The following UNC45B variants were observed in gnomAD, a reference collection of about 807,000 sequenced individuals.
The protein encoded by UNC45B is unc-45 myosin chaperone B, also known as protein unc-45 homolog B.
Under a neutral mutation model 98.7 loss-of-function variants are expected in UNC45B, and 78 were observed. That is an observed-to-expected ratio of 0.79 (90% confidence interval 0.66 to 0.95). The LOEUF (loss-of-function observed/expected upper bound fraction) is 0.95, where lower values mean the gene tolerates loss of function less well. UNC45B is among the 40% of genes least tolerant of loss of function. The probability of loss-of-function intolerance (pLI) is 0.00; values close to 1 mark genes in which losing one functional copy is unlikely to be tolerated. For missense variants in UNC45B, 1,225 were observed against 1,184.9 expected (o/e 1.03, Z -0.50); for synonymous variants, 462 against 480.4 (o/e 0.96, Z 0.50).
At chr17:35,177,170 T>C (rs111582450) in intron 16 of UNC45B, 40 bp downstream of exon 16, 14 of 1,547,254 alleles carry the variant, frequency 9.0e-6, no homozygotes, top group African/African-American at 6.8e-5. Context: ...ATGGGAGGGG[T>C]CTCCTTTGCT....
Position 35,164,036 on chromosome 17 carries a change from C to T in UNC45B, c.1021C>T (p.Leu341=), listed in dbSNP as rs370514797. 14 of 1,613,866 alleles carry T rather than the reference C, an allele frequency of 8.7e-6. No homozygotes were observed. In the African/African-American group the frequency reaches 1.9e-4, roughly 22 times the overall value. The part of the protein sequence containing the change: ...ILKVVGQVPD[L]PSCLPLTDNT... Reference sequence around the variant, plus strand: ...GAAGGTTGTGGGGCAGGTTCCAGATCTGCCATCCTGCCTGCCCCTGACTGA... The same window carrying T: ...GAAGGTTGTGGGGCAGGTTCCAGATTTGCCATCCTGCCTGCCCCTGACTGA... The change falls in exon 9 of 20, where the codon CTG becomes TTG. Residue 341 remains leucine, a synonymous_variant. Transcript: ENST00000394570.
intron 12 of UNC45B, 59 bp from the exon 13 acceptor site, chr17:35,171,263 A>G: frequency 6.3e-7 from 1 of 1,589,108 alleles, no homozygotes; most frequent in Non-Finnish European, 8.6e-7. Context: ...TCCTGGAAGC[A>G]GAGGTTTGTC....
At chr17:35,177,467 G>A in intron 16 of UNC45B, 28 bp from the exon 17 acceptor site, 1 of 1,534,872 alleles carries the variant, frequency 6.5e-7, no homozygotes, top group Non-Finnish European at 8.8e-7. Flanking sequence ...GTCCTCACCT[G>A]ACCAAACCCT....
chr17:35,185,181 C>T (rs1201770152), intron 19 of UNC45B, among the ~76,000 whole-genome samples: 1 of 152,130 alleles, frequency 6.6e-6, no homozygotes, highest in African/African-American at 2.4e-5. Context: ...GCCTTTTCTT[C>T]CCCCCGTGTC....
At chr17:35,179,437 A>G (rs2092258594) in intron 17 of UNC45B, among the ~76,000 whole-genome samples, 1 of 152,214 alleles carries the variant, frequency 6.6e-6, no homozygotes, top group South Asian at 2.1e-4. Context: ...TGCTACTATA[A>G]AGACACATGC....
At chr17:35,173,070 A>G (rs968324290) in intron 13 of UNC45B, among the ~76,000 whole-genome samples, 3 of 149,646 alleles carry the variant, frequency 2.0e-5, no homozygotes, top group African/African-American at 4.9e-5. Context: ...TTAGTTTCCT[A>G]TTGTTTCTAG....
At chr17:35,177,729 G>T in intron 17 of UNC45B, 119 bp downstream of exon 17, 2 of 756,552 alleles carry the variant, frequency 2.6e-6, no homozygotes, top group Non-Finnish European at 4.3e-6. Flanking sequence ...CAAGGGGTGG[G>T]ATTTGAGTTA....
At chr17:35,176,108 C>G in intron 15 of UNC45B, 74 bp downstream of exon 15, 2 of 1,462,966 alleles carry the variant, frequency 1.4e-6, no homozygotes, top group East Asian at 2.3e-5. Context: ...TATGTACCCT[C>G]TGCCCCAACT....
chr17:35,182,027 C>G (rs1376720648), intron 18 of UNC45B, among the ~76,000 whole-genome samples: 1 of 151,812 alleles, frequency 6.6e-6, no homozygotes, highest in Non-Finnish European at 1.5e-5. Context: ...TTCAGTGGTC[C>G]CAATAGGATA....
At chr17:35,156,101 A>G (rs547938332) in intron 7 of UNC45B, among the ~76,000 whole-genome samples, 2 of 152,354 alleles carry the variant, frequency 1.3e-5, no homozygotes, top group Admixed American at 6.5e-5. Context: ...AGCCACAAAA[A>G]GACAAATACT....
At chr17:35,165,672 T>A (rs1236928907) in intron 9 of UNC45B, among the ~76,000 whole-genome samples, 1 of 152,182 alleles carries the variant, frequency 6.6e-6, no homozygotes, top group Non-Finnish European at 1.5e-5. Context: ...GCACAGTGGC[T>A]CACGCCTGTA....
In UNC45B at chr17:35,186,829, T is replaced by C. The variant is rs575198651; in HGVS notation, c.*270T>C. 40 of 358,100 alleles carry C rather than the reference T, an allele frequency of 1.1e-4. No homozygotes were observed. In the South Asian group the frequency reaches 1.5e-3, roughly 13 times the overall value. 22.2% of individuals were successfully genotyped at this position (358,100 alleles called of 1,614,324 possible). Reference sequence around the variant, plus strand: ...AATAATTTTCACCCATGATTAGAAATAGGTTGGATCATTCTTTCTGTACCC... The same window carrying C: ...AATAATTTTCACCCATGATTAGAAACAGGTTGGATCATTCTTTCTGTACCC... On this transcript the variant is annotated 3_prime_UTR_variant, in exon 20 of 20. Transcript: ENST00000394570.
chr17:35,157,727 A>C (rs2142542108), intron 7 of UNC45B, among the ~76,000 whole-genome samples: 1 of 152,302 alleles, frequency 6.6e-6, no homozygotes, highest in Admixed American at 6.5e-5. Flanking sequence ...AGTAGATTCA[A>C]AATTATCGTG....
chr17:35,165,527 T>C (rs2092132692), intron 9 of UNC45B, among the ~76,000 whole-genome samples: 1 of 152,214 alleles, frequency 6.6e-6, no homozygotes, highest in South Asian at 2.1e-4. Flanking sequence ...TACTCTGCTT[T>C]TCCTTTCTAT....
chr17:35,164,876 C>T (rs1411513208), intron 9 of UNC45B, among the ~76,000 whole-genome samples: 1 of 151,656 alleles, frequency 6.6e-6, no homozygotes, highest in Non-Finnish European at 1.5e-5. Flanking sequence ...GCACTTGCCA[C>T]CATGCTGGGC....
chr17:35,174,959 A>AAG (rs200275497), intron 14 of UNC45B, among the ~76,000 whole-genome samples: 17,483 of 58,308 alleles, frequency 0.3, 1,227 homozygotes, highest in East Asian at 0.43. Context: ...AAGAAAAAGA[A>AAG]AGAGAAAGAA....
At chr17:35,181,012 A>G (rs2092270110) in intron 18 of UNC45B, among the ~76,000 whole-genome samples, 1 of 152,164 alleles carries the variant, frequency 6.6e-6, no homozygotes, top group African/African-American at 2.4e-5. Flanking sequence ...CTCAGAGGTC[A>G]AGGAAGGCTA....
chr17:35,154,816 G>A (rs2142536404), intron 6 of UNC45B, 75 bp downstream of exon 6: 6 of 1,432,534 alleles, frequency 4.2e-6, no homozygotes, highest in Non-Finnish European at 5.5e-6. Flanking sequence ...GTGTGGTCAG[G>A]GCTGTGGCTG....
rs766976576 is a variant in UNC45B at position 35,180,627 on chromosome 17, T to A, written c.2324T>A (p.Leu775Gln). 6.2e-7 allele frequency: 1 copy of A among 1,613,282 alleles called. No homozygotes were observed. The highest frequency in any genetic ancestry group is 8.5e-7 in the Non-Finnish European group (1 of 1,179,730). The change falls in exon 18 of 20, where the codon CTG becomes CAG. Residue 775 changes from leucine (L) to glutamine (Q), a missense_variant. Coordinates refer to ENST00000394570, the MANE Select transcript of UNC45B (RefSeq NM_001267052.2). ...TACATGTTTGAGAATCATGATCAGCTGCGGCAGGCGGCCACCGAGTGCATG... is the reference window on the plus strand; with the variant it reads ...TACATGTTTGAGAATCATGATCAGCAGCGGCAGGCGGCCACCGAGTGCATG... ...ENYMFENHDQ[L>Q]RQAATECMCN...
Sources: allele counts gnomAD v4.1 joint callset (sites outside exome capture counted in the v4.1 genomes callset), GRCh38; gene constraint gnomAD v4.1.1; transcripts MANE v1.5; gene names NCBI Gene and HGNC (gene_info 2026-07-23, HGNC 2026-07-21).